SFRP5: variants seen among roughly 807,000 people sequenced by gnomAD.
The protein encoded by SFRP5 is secreted frizzled related protein 5.
Under a neutral mutation model 27.0 loss-of-function variants are expected in SFRP5, and 22 were observed. The ratio of observed to expected loss-of-function variants is 0.82; its 90% CI spans 0.58 to 1.17. SFRP5 has a LOEUF of 1.17. SFRP5 is among the 50% of genes most tolerant of loss of function. The probability of loss-of-function intolerance (pLI) is 0.00; values close to 1 mark genes in which losing one functional copy is unlikely to be tolerated. For missense variants in SFRP5, 406 were observed against 436.6 expected, an observed-to-expected ratio of 0.93 and a Z score of 0.63; for synonymous variants, 171 against 195.0, an observed-to-expected ratio of 0.88 and a Z score of 1.03.
chr10:97,771,173 C>G lies in SFRP5; in HGVS notation c.529+132G>C, dbSNP rs1208703257. 1.5e-5 allele frequency: 9 copies of G among 585,158 alleles called. No homozygotes were observed. The highest frequency in any genetic ancestry group is 1.1e-4 in the African/African-American group (5 of 43,668). 36.2% of individuals were successfully genotyped at this position (585,158 alleles called of 1,614,324 possible). ...GGGGGATAATTCCGGGGACGCTGGGCTGAGCTAGGACAGCGTGTGTGTGTG... is the reference window on the plus strand; with the variant it reads ...GGGGGATAATTCCGGGGACGCTGGGGTGAGCTAGGACAGCGTGTGTGTGTG... On this transcript the variant is annotated intron_variant, in intron 1 of 2. Transcript: ENST00000266066. This position sits in a 1 kb window ranked among gnomAD's most constrained non-coding sequence, Gnocchi z 5.2.
At position 97,771,254 on chromosome 10, in the gene SFRP5, G is replaced by A; in HGVS notation, c.529+51C>T. 1 of 1,247,908 alleles carries A rather than the reference G, an allele frequency of 8.0e-7. No homozygotes were observed. Among genetic ancestry groups the A allele is most frequent in the Non-Finnish European group, 1.1e-6 (1 of 900,942 alleles). The allele number at this position is 1,247,908 out of a possible 1,614,324, so 77.3% of individuals were successfully genotyped here. ...TTGGGGGGTTCGCAGAGCTGTGCTA[G>A]GGGAGCTGCAGGGCCGTCGGAGCGC... On this transcript the variant is annotated intron_variant, in intron 1 of 2. Transcript: ENST00000266066. This position sits in a 1 kb window ranked among gnomAD's most constrained non-coding sequence, Gnocchi z 5.2.
At position 97,771,069 on chromosome 10, in the gene SFRP5, GA is replaced by G. The variant is rs1347628199; in HGVS notation, c.529+235del. On this transcript the variant is annotated intron_variant, in intron 1 of 2. Transcript: ENST00000266066. This position sits in a 1 kb window ranked among gnomAD's most constrained non-coding sequence, Gnocchi z 5.2. ...GGTGCCAGGGGTTTCCAGGGAACGA[GA>G]GCCAGAGGGAAGGTCTGGAGCCGCC... Among the ~76,000 whole-genome samples, 1 of 152,166 alleles carries G rather than the reference GA, an allele frequency of 6.6e-6. No individual in the cohort carries two copies. The highest frequency in any genetic ancestry group is 1.5e-5 in the Non-Finnish European group (1 of 68,032).
intron 2 of SFRP5, among the ~76,000 whole-genome samples, chr10:97,769,154 C>A (rs1295959511): frequency 1.3e-5 from 2 of 152,216 alleles, no homozygotes. Flanking sequence ...CAGGTCCTGA[C>A]CGGACTTGGC....
chr10:97,771,498 A>G lies in SFRP5; in HGVS notation c.336T>C (p.Phe112=), dbSNP rs1233706703. The G allele has an allele frequency of 1.2e-6, 2 of 1,610,308 alleles. No homozygotes were observed. Among genetic ancestry groups the G allele is most frequent in the East Asian group, 2.2e-5 (1 of 44,704 alleles). ...TGGGCCGGTCGAGACAGACGGGCGC[A>G]AAGAGCGAGCACAGGAAGACCTGCG... ...SDTQVFLCSL[F]APVCLDRPIY... is the part of the protein sequence containing the mutation. Residue 112 remains phenylalanine (F), a synonymous_variant, in exon 1 of 3, where the codon TTT becomes TTC. Transcript: ENST00000266066. The surrounding 1 kb of genome is among the most constrained non-coding windows in gnomAD (Gnocchi z 5.2).
intron 2 of SFRP5, among the ~76,000 whole-genome samples, chr10:97,769,006 AC>A (rs2049500979): frequency 6.6e-6 from 1 of 152,190 alleles, no homozygotes; most frequent in Admixed American, 6.5e-5. Context: ...CAGGCTACCA[AC>A]ATAAAAGACT....
intron 1 of SFRP5, among the ~76,000 whole-genome samples, chr10:97,770,373 ACTC>A (rs1352194359): frequency 6.6e-6 from 1 of 152,084 alleles, no homozygotes; most frequent in Non-Finnish European, 1.5e-5. Context: ...CCCAGCCCTT[ACTC>A]CTATTTTGGA....
intron 1 of SFRP5, among the ~76,000 whole-genome samples, chr10:97,770,999 G>T (rs2049511779): frequency 6.6e-6 from 1 of 152,110 alleles, no homozygotes. Context: ...TGGGGGGACG[G>T]CATTGGGGGA....
intron 2 of SFRP5, among the ~76,000 whole-genome samples, chr10:97,769,054 T>C (rs2049501245): frequency 6.6e-6 from 1 of 152,232 alleles, no homozygotes; most frequent in South Asian, 2.1e-4. Context: ...TCTCCTTTTT[T>C]CTTTTTTTAT....
intron 2 of SFRP5, 23 bp from the exon 3 acceptor site, chr10:97,767,883 C>A (rs773954554): frequency 2.1e-5 from 32 of 1,502,866 alleles, no homozygotes; most frequent in Non-Finnish European, 2.8e-5. Context: ...AGGACAGGGG[C>A]AAGTTGGGAA....
chr10:97,769,606 G>A lies in SFRP5; in HGVS notation c.607+62C>T, dbSNP rs989661596. ...GATGTGGGCATGTATGTTCCCGTGT[G>A]CGTCAAGAAAGAGGGGCTGGGGGTG... On this transcript the variant is annotated intron_variant, in intron 2 of 2. Coordinates refer to ENST00000266066, the MANE Select transcript of SFRP5 (RefSeq NM_003015.3). 1.6e-5 allele frequency: 18 copies of A among 1,140,924 alleles called. No homozygotes were observed. The East Asian group carries it at 4.4e-4, about 28-fold the overall frequency. 70.7% of individuals were successfully genotyped at this position (1,140,924 alleles called of 1,614,324 possible). A position where few individuals can be genotyped will look rare whatever the true frequency, so the allele number is the denominator to read the frequency against.
chr10:97,769,784 G>C lies in SFRP5; in HGVS notation c.530-39C>G, dbSNP rs200348980. The C allele has an allele frequency of 1.2e-4, 178 of 1,497,974 alleles. No individual in the cohort carries two copies. In the African/African-American group the frequency reaches 2.2e-3, roughly 18 times the overall value. The allele number at this position is 1,497,974 out of a possible 1,614,324, so 92.8% of individuals were successfully genotyped here. A position where few individuals can be genotyped will look rare whatever the true frequency, so the allele number is the denominator to read the frequency against. ...GTGGGGTGGGGTTGGGGGACAGTTG[G>C]TGAGGGGATTGGAGTTCCAAGAGCC... On this transcript the variant is annotated intron_variant, in intron 1 of 2. Coordinates refer to ENST00000266066, the MANE Select transcript of SFRP5 (RefSeq NM_003015.3).
intron 2 of SFRP5, among the ~76,000 whole-genome samples, chr10:97,768,617 T>C (rs114818142): frequency 6.6e-6 from 1 of 152,044 alleles, no homozygotes; most frequent in African/African-American, 2.4e-5. Flanking sequence ...GGGAGTGTGT[T>C]TGTGCTATGT....
rs968621131 is a variant in SFRP5 at position 97,771,929 on chromosome 10, C to T, written c.-96G>A. ...GCGTGCGCCCCCGGCCCTGACTCTA[C>T]CCAGCCGCCGCCGCCGCCGCCGCGG... On this transcript the variant is annotated 5_prime_UTR_variant, in exon 1 of 3. Coordinates refer to ENST00000266066, the MANE Select transcript of SFRP5 (RefSeq NM_003015.3). The surrounding 1 kb of genome is among the most constrained non-coding windows in gnomAD (Gnocchi z 5.2). 26 of 887,282 alleles carry T rather than the reference C, an allele frequency of 2.9e-5. No homozygotes were observed. Among genetic ancestry groups the T allele is most frequent in the Admixed American group, 2.4e-4 (4 of 16,398 alleles). 55.0% of individuals were successfully genotyped at this position (887,282 alleles called of 1,614,324 possible). A position where few individuals can be genotyped will look rare whatever the true frequency, so the allele number is the denominator to read the frequency against.
In SFRP5 at chr10:97,771,317, T is replaced by G; in HGVS notation, c.517A>C (p.Thr173Pro). 6.4e-7 allele frequency: 1 copy of G among 1,569,014 alleles called. No homozygotes were observed. Among genetic ancestry groups the G allele is most frequent in the Non-Finnish European group, 8.6e-7 (1 of 1,159,562 alleles). ...GCGGCGGCGCTACCTGGAGGCGCGG[T>G]GGCGGGCAGGTGCCCGAACTGCACG... ...IAVQFGHLPA[T>P]APPVTKICAQ... Residue 173 changes from threonine (T) to proline (P), a missense_variant, in exon 1 of 3, where the codon ACC becomes CCC. By Grantham distance (38) the Thr-to-Pro change is conservative. Coordinates refer to ENST00000266066, the MANE Select transcript of SFRP5 (RefSeq NM_003015.3). The surrounding 1 kb of genome is among the most constrained non-coding windows in gnomAD (Gnocchi z 5.2).
chr10:97,767,416 C>T lies in SFRP5; in HGVS notation c.*98G>A, dbSNP rs553785514. ...TAGGCCTTGTGCCAGTAACAACATT[C>T]GTGAAAACACCCTCCAGTAGGGCCG... On this transcript the variant is annotated 3_prime_UTR_variant, in exon 3 of 3. Transcript: ENST00000266066. 777 of 924,238 alleles carry T rather than the reference C, an allele frequency of 8.4e-4. No individual in the cohort carries two copies. Among genetic ancestry groups the T allele is most frequent in the Non-Finnish European group, 1.2e-3 (724 of 619,044 alleles). The allele number at this position is 924,238 out of a possible 1,614,324, so 57.3% of individuals were successfully genotyped here.
At chr10:97,769,618 A>G (rs750971414) in intron 2 of SFRP5, 50 bp downstream of exon 2, 4 of 1,290,854 alleles carry the variant, frequency 3.1e-6, no homozygotes, top group Admixed American at 1.8e-5. Flanking sequence ...GTCAAGAAAG[A>G]GGGGCTGGGG....
rs779480647 is a variant in SFRP5 at position 97,767,550 on chromosome 10, G to C, written c.918C>G (p.Tyr306Ter). The change falls in exon 3 of 3, where the codon TAC (tyrosine) becomes TAG (stop). Residue 306 changes from tyrosine (Y) to a stop codon, truncating the protein, a stop_gained. Transcript: ENST00000266066. LOFTEE classifies it high-confidence loss of function. ...KFMFSYPCSL[Y>*]YPFFYGAAEP... is the part of the protein sequence containing the mutation. ...CTGCCGCCCCGTAGAAGAAAGGGTA[G>C]TAGAGGGAGCAGGGGTAGGAGAACA... The C allele has an allele frequency of 6.2e-7, 1 of 1,612,920 alleles. No homozygotes were observed. The highest frequency in any genetic ancestry group is 1.3e-5 in the African/African-American group (1 of 74,944).
chr10:97,767,856 G>T lies in SFRP5; in HGVS notation c.612C>A (p.Val204=). ...TCTTGATCTCCTTGATGCGCATTTT[G>T]ACCACTGTGGGAAGAAAGGACAGGG... The part of the protein sequence containing the change: ...MEQMCSSDFV[V]KMRIKEIKIE... Residue 204 remains valine (V), a synonymous_variant, in exon 3 of 3, where the codon GTC becomes GTA. Coordinates refer to ENST00000266066, the MANE Select transcript of SFRP5 (RefSeq NM_003015.3). 6.6e-7 allele frequency: 1 copy of T among 1,523,062 alleles called. No homozygotes were observed. The allele number at this position is 1,523,062 out of a possible 1,614,324, so 94.3% of individuals were successfully genotyped here. A position where few individuals can be genotyped will look rare whatever the true frequency, so the allele number is the denominator to read the frequency against.
At chr10:97,770,289 A>T (rs1423772869) in intron 1 of SFRP5, among the ~76,000 whole-genome samples, 1 of 152,132 alleles carries the variant, frequency 6.6e-6, no homozygotes, top group Non-Finnish European at 1.5e-5. Flanking sequence ...AGGCTGGTCT[A>T]GAACTCCTGA....
Sources: gnomAD v4.1 joint callset for allele counts (sites outside exome capture counted in the v4.1 genomes callset) on GRCh38, gnomAD v4.1.1 for gene constraint, Gnocchi (gnomAD v3.1) non-coding constraint, MANE v1.5 for transcripts, NCBI Gene and HGNC (gene_info 2026-07-23, HGNC 2026-07-21) for gene names.